The following SNTB1 variants were observed in gnomAD, a reference collection of about 807,000 sequenced individuals.
The protein encoded by SNTB1 is syntrophin beta 1, also known as beta-1-syntrophin.
SNTB1 carries 36 observed loss-of-function variants against 48.9 expected under a neutral mutation model. The ratio of observed to expected loss-of-function variants is 0.74; its 90% CI spans 0.56 to 0.97. The LOEUF (loss-of-function observed/expected upper bound fraction) is 0.97. Among genes scored for constraint, SNTB1 ranks in the 50% least tolerant of loss-of-function variants. The probability of loss-of-function intolerance (pLI) is 0.00; values close to 1 mark genes in which losing one functional copy is unlikely to be tolerated. For missense variants in SNTB1, 786 were observed against 703.4 expected (o/e 1.12, Z -1.33); for synonymous variants, 299 against 294.6 (o/e 1.01, Z -0.15).
intron 4 of SNTB1, among the ~76,000 whole-genome samples, chr8:120,558,525 A>G (rs1229190753): frequency 6.6e-6 from 1 of 152,230 alleles, no homozygotes; most frequent in African/African-American, 2.4e-5. Flanking sequence ...AATCCCAGAA[A>G]GATTTTACAT....
At chr8:120,581,432 C>T (rs1055954986) in intron 3 of SNTB1, among the ~76,000 whole-genome samples, 1 of 151,982 alleles carries the variant, frequency 6.6e-6, no homozygotes, top group East Asian at 2.0e-4. Flanking sequence ...GGTGAAAACT[C>T]GTCTCTACTA....
chr8:120,571,420 C>T lies in SNTB1; in HGVS notation c.1136+3666G>A, dbSNP rs76194230. 2.2e-3 allele frequency: 2,114 copies of T among 963,274 alleles called. 32 individuals carry two copies. The African/African-American group carries it at 0.034, about 15-fold the overall frequency. The allele number at this position is 963,274 out of a possible 1,614,324, so 59.7% of individuals were successfully genotyped here. Reference sequence around the variant, plus strand: ...GATTGGGCCGAATTCTCATGGACCCCAAGGCACAGCCTGAGTCTTTGTGTG... The same window carrying T: ...GATTGGGCCGAATTCTCATGGACCCTAAGGCACAGCCTGAGTCTTTGTGTG... On this transcript the variant is annotated intron_variant, in intron 4 of 6. Coordinates refer to ENST00000517992, the MANE Select transcript of SNTB1 (RefSeq NM_021021.4).
At chr8:120,717,267 G>A (rs4871103) in intron 1 of SNTB1, among the ~76,000 whole-genome samples, 15,934 of 152,208 alleles carry the variant, frequency 0.1, 1,016 homozygotes, top group East Asian at 0.21. Flanking sequence ...TAGGCGATAT[G>A]AAATATCACC....
At chr8:120,671,863 G>A (rs1817763227) in intron 2 of SNTB1, among the ~76,000 whole-genome samples, 1 of 152,178 alleles carries the variant, frequency 6.6e-6, no homozygotes. Flanking sequence ...CTTAAAGATA[G>A]ACTTATTTTT....
intron 2 of SNTB1, among the ~76,000 whole-genome samples, chr8:120,665,280 C>G (rs907263832): frequency 6.6e-6 from 1 of 152,034 alleles, no homozygotes; most frequent in African/African-American, 2.4e-5. Context: ...AGTGAAACCC[C>G]GTCTCTACTA....
At chr8:120,794,941 C>T (rs1272901401) in intron 1 of SNTB1, among the ~76,000 whole-genome samples, 2 of 151,936 alleles carry the variant, frequency 1.3e-5, no homozygotes, top group Non-Finnish European at 2.9e-5. Context: ...TCTAGTGACT[C>T]CTGGTTTGCT....
chr8:120,647,704 C>G (rs1488698230), intron 2 of SNTB1, among the ~76,000 whole-genome samples: 1 of 97,422 alleles, frequency 1.0e-5, no homozygotes, highest in Non-Finnish European at 2.0e-5. Flanking sequence ...GAGCTGAGTT[C>G]AATTCCTGGG....
chr8:120,632,405 G>A (rs189415770), intron 3 of SNTB1, 39 bp downstream of exon 3: 43 of 1,576,322 alleles, frequency 2.7e-5, no homozygotes, highest in Admixed American at 1.0e-4. Flanking sequence ...GGGGAATCTC[G>A]GGGAGGACGA....
chr8:120,675,183 A>G lies in SNTB1; in HGVS notation c.788+18509T>C, dbSNP rs115148435. Among the ~76,000 whole-genome samples, 1,238 of 152,342 alleles carry G rather than the reference A, an allele frequency of 8.1e-3. 13 individuals are homozygous for G. Among genetic ancestry groups the G allele is most frequent in the African/African-American group, 0.029 (1,195 of 41,570 alleles). On this transcript the variant is annotated intron_variant, in intron 2 of 6. Coordinates refer to ENST00000517992, the MANE Select transcript of SNTB1 (RefSeq NM_021021.4). ...ATCATTCACTTGGATGGCTTCAAGTAAAAAGAAAGTAACATGGCAGCCTTT... is the reference window on the plus strand; with the variant it reads ...ATCATTCACTTGGATGGCTTCAAGTGAAAAGAAAGTAACATGGCAGCCTTT...
chr8:120,729,787 C>T (rs1380531709), intron 1 of SNTB1, among the ~76,000 whole-genome samples: 5 of 152,192 alleles, frequency 3.3e-5, no homozygotes, highest in Non-Finnish European at 7.3e-5. Context: ...TACCATCGAC[C>T]TCACAGGATA....
Position 120,548,920 on chromosome 8 carries a change from G to C in SNTB1, c.1175C>G (p.Ala392Gly). ...HSGPGKGSPQ[A>G]GVDLSFATRT... Reference sequence around the variant, plus strand: ...CGTTGCAAAGGACAGATCCACACCAGCCTGGGGTGATCCCTTTCCTGGACC... The same window carrying C: ...CGTTGCAAAGGACAGATCCACACCACCCTGGGGTGATCCCTTTCCTGGACC... Residue 392 changes from alanine to glycine, a missense_variant, in exon 5 of 7, where the codon GCT becomes GGT. By Grantham distance (60) the Ala-to-Gly change is moderately conservative. Transcript: ENST00000517992. 1 of 1,604,352 alleles carries C rather than the reference G, an allele frequency of 6.2e-7. No homozygotes were observed. The highest frequency in any genetic ancestry group is 8.5e-7 in the Non-Finnish European group (1 of 1,175,346).
At chr8:120,720,196 C>T (rs1205988432) in intron 1 of SNTB1, among the ~76,000 whole-genome samples, 3 of 152,218 alleles carry the variant, frequency 2.0e-5, no homozygotes, top group Admixed American at 6.5e-5. Flanking sequence ...GCAGCCCAAT[C>T]CTGAGCATAT....
intron 1 of SNTB1, among the ~76,000 whole-genome samples, chr8:120,702,777 C>T (rs952871712): frequency 3.9e-5 from 6 of 152,202 alleles, no homozygotes; most frequent in Non-Finnish European, 8.8e-5. Context: ...ACTTTACAAA[C>T]TCTGGACTCC....
chr8:120,724,644 A>G (rs1005979081), intron 1 of SNTB1, among the ~76,000 whole-genome samples: 4 of 152,156 alleles, frequency 2.6e-5, no homozygotes, highest in Non-Finnish European at 5.9e-5. Context: ...TGGAAACTAC[A>G]TTTGTTTTTG....
At chr8:120,737,224 C>A (rs993617803) in intron 1 of SNTB1, among the ~76,000 whole-genome samples, 1 of 152,154 alleles carries the variant, frequency 6.6e-6, no homozygotes, top group Admixed American at 6.5e-5. Context: ...ATCCTCTCAA[C>A]CTTGCAAGGT....
chr8:120,598,677 C>A (rs2130716238), intron 3 of SNTB1, among the ~76,000 whole-genome samples: 1 of 152,308 alleles, frequency 6.6e-6, no homozygotes, highest in Non-Finnish European at 1.5e-5. Flanking sequence ...TATTTATTCC[C>A]TTATAGTTCT....
intron 4 of SNTB1, chr8:120,571,119 C>A: frequency 1.1e-6 from 1 of 876,346 alleles, no homozygotes; most frequent in Admixed American, 3.9e-5. Flanking sequence ...AAAAGCAGTC[C>A]CCATTGTTCA....
At chr8:120,794,375 A>G (rs796635021) in intron 1 of SNTB1, among the ~76,000 whole-genome samples, 12 of 152,164 alleles carry the variant, frequency 7.9e-5, no homozygotes, top group African/African-American at 2.6e-4. Flanking sequence ...TCAGAAGGTA[A>G]GCCCCTTCCT....
At chr8:120,644,999 T>G (rs1482171737) in intron 2 of SNTB1, among the ~76,000 whole-genome samples, 3 of 151,144 alleles carry the variant, frequency 2.0e-5, no homozygotes, top group African/African-American at 7.3e-5. Context: ...CGCCCACTTT[T>G]TGATGGGGTT....
Sources: gnomAD v4.1 joint callset for allele counts (sites outside exome capture counted in the v4.1 genomes callset) on GRCh38, gnomAD v4.1.1 for gene constraint, MANE v1.5 for transcripts, NCBI Gene and HGNC (gene_info 2026-07-23, HGNC 2026-07-21) for gene names.